Variants in FMR1 observed in about 807,000 individuals in gnomAD.
FMR1 encodes FMRP translational regulator 1.
FMR1 carries 13 observed loss-of-function variants against 50.6 expected under a neutral mutation model. The ratio of observed to expected loss-of-function variants is 0.26; its 90% CI spans 0.17 to 0.41. FMR1 has a LOEUF of 0.41. FMR1 is among the 10% of genes least tolerant of loss of function. The probability of loss-of-function intolerance (pLI) is 1.00; values close to 1 mark genes in which losing one functional copy is unlikely to be tolerated. For synonymous variants in FMR1, 138 were observed against 164.1 expected, an observed-to-expected ratio of 0.84 and a Z score of 1.22; for missense variants, 316 against 491.3, an observed-to-expected ratio of 0.64 and a Z score of 3.37.
At position 147,949,780 on chromosome X, in the gene FMR1, T is replaced by A; in HGVS notation, c.*936T>A. The A allele has an allele frequency of 3.1e-6, 1 of 326,403 alleles. No individual in the cohort carries two copies. 26.9% of individuals were successfully genotyped at this position (326,403 alleles called of 1,213,427 possible). A position where few individuals can be genotyped will look rare whatever the true frequency, so the allele number is the denominator to read the frequency against. On this transcript the variant is annotated 3_prime_UTR_variant, in exon 17 of 17. Transcript: ENST00000370475. ...TTTGGCCTGATGACCAATTTTAACTTAGAGCTTTTTTTTTTTAATTTTGTC... is the reference window on the plus strand; with the variant it reads ...TTTGGCCTGATGACCAATTTTAACTAAGAGCTTTTTTTTTTTAATTTTGTC...
intron 9 of FMR1, among the ~76,000 whole-genome samples, chrX:147,934,334 C>T (rs1190103860): frequency 1.8e-5 from 2 of 110,475 alleles, no homozygotes; most frequent in Non-Finnish European, 3.8e-5. Flanking sequence ...TTCAGTCCTA[C>T]TTTATTCTTT....
chrX:147,919,550 T>G (rs782081139), intron 1 of FMR1, among the ~76,000 whole-genome samples: 1 of 112,474 alleles, frequency 8.9e-6, no homozygotes, highest in Admixed American at 9.4e-5. Flanking sequence ...AAGATCAAAA[T>G]GATAAGAAAA....
rs782612824 is a variant in FMR1 at position 147,941,024 on chromosome X, C to T, written c.1275+362C>T. ...GTCTATAACTCTTGCCTTTATTGTT[C>T]CTTTTATGTCATTTATCAAGGAAAT... On this transcript the variant is annotated intron_variant, in intron 13 of 16. Coordinates refer to ENST00000370475, the MANE Select transcript of FMR1 (RefSeq NM_002024.6). Among the ~76,000 whole-genome samples the T allele has an allele frequency of 3.6e-5, 4 of 111,673 alleles. No individual in the cohort carries two copies. In the South Asian group the frequency reaches 1.5e-3, roughly 42 times the overall value.
intron 1 of FMR1, among the ~76,000 whole-genome samples, chrX:147,919,003 A>C (rs782569511): frequency 9.0e-6 from 1 of 111,636 alleles, no homozygotes; most frequent in African/African-American, 3.3e-5. Flanking sequence ...TTCTTTACCT[A>C]GCTGTAACAA....
intron 1 of FMR1, among the ~76,000 whole-genome samples, chrX:147,919,122 A>G (rs1280164320): frequency 8.9e-5 from 10 of 112,144 alleles, no homozygotes; most frequent in African/African-American, 3.2e-4. Context: ...TTAAACAAGG[A>G]TGAACACAGA....
intron 9 of FMR1, among the ~76,000 whole-genome samples, chrX:147,935,279 A>G (rs1188097441): frequency 8.9e-6 from 1 of 111,987 alleles, no homozygotes; most frequent in Non-Finnish European, 1.9e-5. Context: ...TGACCAGTCA[A>G]AGAGTTTCTA....
intron 4 of FMR1, 104 bp from the exon 5 acceptor site, chrX:147,928,555 A>C (rs1329952967): frequency 1.3e-5 from 11 of 841,937 alleles, no homozygotes; most frequent in Admixed American, 8.8e-5. Flanking sequence ...GTTGGTCATA[A>C]ATTTTTTCAC....
intron 16 of FMR1, 120 bp from the exon 17 acceptor site, chrX:147,948,563 C>T (rs1796875070): frequency 1.7e-6 from 2 of 1,160,521 alleles, no homozygotes; most frequent in Non-Finnish European, 1.2e-6. Context: ...CTTCTGTTCT[C>T]ATCTCCATTT....
intron 9 of FMR1, among the ~76,000 whole-genome samples, 172 bp downstream of exon 9, chrX:147,932,935 G>A (rs1319464105): frequency 9.1e-6 from 1 of 109,808 alleles, no homozygotes; most frequent in Non-Finnish European, 1.9e-5. Flanking sequence ...TAGGGTACAT[G>A]TGCACAATGT....
chrX:147,946,541 GTA>G (rs1473928128), intron 16 of FMR1, among the ~76,000 whole-genome samples: 12 of 112,206 alleles, frequency 1.1e-4, no homozygotes, highest in Non-Finnish European at 1.9e-4. Flanking sequence ...AGTGCTTTGT[GTA>G]TGTTTTATCT....
At chrX:147,947,585 C>CTATAG (rs1418257661) in intron 16 of FMR1, 2 of 109,622 alleles carry the variant, frequency 1.8e-5, no homozygotes, top group African/African-American at 6.7e-5. Context: ...TGGCGGGCAC[C>CTATAG]TATAGTCCCA....
intron 1 of FMR1, chrX:147,913,332 A>T (rs1557174309): frequency 8.9e-6 from 1 of 112,382 alleles, no homozygotes; most frequent in African/African-American, 3.2e-5. Context: ...GTTTGTTGGT[A>T]TGTAGGTGCT....
chrX:147,944,316 CA>C (rs782755722), intron 14 of FMR1: 112 of 750,789 alleles, frequency 1.5e-4, no homozygotes, highest in Non-Finnish European at 1.6e-4. Context: ...GGTTGTGGAC[CA>C]AACATCAGGC....
intron 1 of FMR1, chrX:147,913,923 A>G (rs2042723229): frequency 8.9e-6 from 1 of 111,866 alleles, no homozygotes; most frequent in African/African-American, 3.3e-5. Flanking sequence ...TGGTTAGGCA[A>G]GATTTTGATT....
At chrX:147,945,765 A>C in intron 16 of FMR1, 149 bp downstream of exon 16, 1 of 495,701 alleles carries the variant, frequency 2.0e-6, no homozygotes, top group Non-Finnish European at 3.6e-6. Context: ...AATTGTAGTC[A>C]ATCTTAGTTC....
chrX:147,912,198 G>C lies in FMR1; in HGVS notation c.19G>C (p.Glu7Gln). Reference protein sequence around the residue: MEELVVEVRGSNGAFYK... With the variant: MEELVVQVRGSNGAFYK... The stretch of plus-strand genomic sequence containing the variant: ...AGAGAAGATGGAGGAGCTGGTGGTG[G>C]AAGTGCGGGGCTCCAATGGCGCTTT... Residue 7 changes from glutamate (E) to glutamine (Q), a missense_variant, in exon 1 of 17, where the codon GAA (glutamate) becomes CAA (glutamine). Transcript: ENST00000370475. The C allele has an allele frequency of 8.6e-7, 1 of 1,162,012 alleles. No homozygotes were observed. Among genetic ancestry groups the C allele is most frequent in the Non-Finnish European group, 1.1e-6 (1 of 870,320 alleles).
Position 147,932,699 on chromosome X carries a change from GA to G in FMR1, c.822del (p.Ala275LeufsTer11). 8.3e-7 allele frequency: 1 copy of G among 1,208,353 alleles called. No homozygotes were observed. Among genetic ancestry groups the G allele is most frequent in the Middle Eastern group, 2.5e-4 (1 of 3,975 alleles). ...HIYGEDQDAV[K>X]KARSFLEFAE... is the part of the protein sequence containing the mutation. ...CCTTTTATTAGGATCAGGATGCAGT[GA>G]AAAAAGCTAGAAGCTTTCTCGAATT... On this transcript the variant is annotated frameshift_variant, in exon 9 of 17. Transcript: ENST00000370475. LOFTEE classifies it high-confidence loss of function.
At chrX:147,917,605 A>G (rs1421041919) in intron 1 of FMR1, among the ~76,000 whole-genome samples, 1 of 111,916 alleles carries the variant, frequency 8.9e-6, no homozygotes, top group Non-Finnish European at 1.9e-5. Flanking sequence ...CCCAATTTTT[A>G]AAGCTTTTTT....
chrX:147,932,160 G>T (rs1348882519), intron 7 of FMR1, among the ~76,000 whole-genome samples: 1 of 111,669 alleles, frequency 9.0e-6, no homozygotes, highest in African/African-American at 3.3e-5. Context: ...GCAGCCTTGT[G>T]ATAAGTTTTC....
Sources: allele counts gnomAD v4.1 joint callset (sites outside exome capture counted in the v4.1 genomes callset), GRCh38; gene constraint gnomAD v4.1.1; transcripts MANE v1.5; gene names NCBI Gene and HGNC (gene_info 2026-07-23, HGNC 2026-07-21).